The following RAB8B variants were observed in gnomAD, a reference collection of about 807,000 sequenced individuals.
RAB8B encodes the protein RAB8B, member RAS oncogene family.
A neutral mutation model predicts 32.0 loss-of-function variants in RAB8B; 11 were observed. That is an observed-to-expected ratio of 0.34 (90% CI 0.22 to 0.57). The LOEUF is 0.57. Among genes scored for constraint, RAB8B ranks in the 20% least tolerant of loss-of-function variants. The probability of loss-of-function intolerance (pLI) is 0.86; values close to 1 mark genes in which losing one functional copy is unlikely to be tolerated. For synonymous variants in RAB8B, 103 were observed against 89.6 expected (o/e 1.15, Z -0.85); for missense variants, 190 against 258.5 (o/e 0.73, Z 1.82).
chr15:63,202,715 T>C (rs1040422660), intron 1 of RAB8B, among the ~76,000 whole-genome samples: 16 of 152,242 alleles, frequency 1.1e-4, no homozygotes, highest in African/African-American at 3.9e-4. Flanking sequence ...TTAAACTTCA[T>C]GTCAGCCTGT....
chr15:63,205,249 G>A (rs1444211981), intron 1 of RAB8B, among the ~76,000 whole-genome samples: 2 of 152,192 alleles, frequency 1.3e-5, no homozygotes, highest in East Asian at 1.9e-4. Context: ...GCAGTGAGCC[G>A]AGATTGCGCC....
intron 1 of RAB8B, among the ~76,000 whole-genome samples, chr15:63,238,591 G>T (rs145297905): frequency 2.1e-3 from 324 of 152,198 alleles, no homozygotes; most frequent in Non-Finnish European, 3.6e-3. Flanking sequence ...TATACAGTTT[G>T]TCCTTTCATA....
chr15:63,229,260 C>G (rs1371562070), intron 1 of RAB8B, among the ~76,000 whole-genome samples: 1 of 152,176 alleles, frequency 6.6e-6, no homozygotes, highest in East Asian at 1.9e-4. Context: ...GAAGACATAT[C>G]TTTTGGTTGC....
chr15:63,209,333 G>C (rs1316258558), intron 1 of RAB8B, among the ~76,000 whole-genome samples: 2 of 150,904 alleles, frequency 1.3e-5, no homozygotes, highest in Admixed American at 1.3e-4. Context: ...GCTCACACTT[G>C]TAATCCCAGC....
At chr15:63,218,301 G>A (rs73438899) in intron 1 of RAB8B, among the ~76,000 whole-genome samples, 83 of 152,292 alleles carry the variant, frequency 5.5e-4, no homozygotes, top group African/African-American at 1.9e-3. Context: ...TGAGAATAGT[G>A]ATAAGGAATA....
chr15:63,259,728 G>T lies in RAB8B; in HGVS notation c.480+36G>T, dbSNP rs907283326. 6 of 1,565,858 alleles carry T rather than the reference G, an allele frequency of 3.8e-6. No homozygotes were observed. The highest frequency in any genetic ancestry group is 4.4e-6 in the Non-Finnish European group (5 of 1,136,622). On this transcript the variant is annotated intron_variant, in intron 6 of 7. Transcript: ENST00000321437. The surrounding 1 kb of genome is among the most constrained non-coding windows in gnomAD (Gnocchi z 4.4). Reference sequence around the variant, plus strand: ...AACGTTTGGTGACTGTTACGGAGCAGCACCAGTGCTTAGGGGCCTGTGTTC... The same window carrying T: ...AACGTTTGGTGACTGTTACGGAGCATCACCAGTGCTTAGGGGCCTGTGTTC...
At chr15:63,197,370 C>CTTTTTTTTTTTTTTTT (rs58765418) in intron 1 of RAB8B, among the ~76,000 whole-genome samples, 13 of 61,446 alleles carry the variant, frequency 2.1e-4, no homozygotes, top group South Asian at 7.4e-4. Context: ...TCTTTCTTTT[C>CTTTTTTTTTTTTTTTT]TTTTTTTTTT....
intron 3 of RAB8B, among the ~76,000 whole-genome samples, chr15:63,251,002 T>C (rs555407541): frequency 4.9e-4 from 75 of 151,968 alleles, no homozygotes; most frequent in African/African-American, 1.6e-3. Context: ...CTGCCCTTCC[T>C]CCTCCACCAC....
intron 3 of RAB8B, among the ~76,000 whole-genome samples, chr15:63,254,329 A>G (rs371420915): frequency 5.9e-5 from 9 of 152,220 alleles, no homozygotes; most frequent in East Asian, 1.9e-4. Context: ...TGAGCTCCCC[A>G]TGCATCTTCA....
At chr15:63,255,176 C>T (rs548595383) in intron 3 of RAB8B, among the ~76,000 whole-genome samples, 11 of 152,232 alleles carry the variant, frequency 7.2e-5, no homozygotes, top group Non-Finnish European at 1.5e-4. Flanking sequence ...TCAATGTTAT[C>T]GCTGTTTTGA....
intron 1 of RAB8B, among the ~76,000 whole-genome samples, chr15:63,213,304 G>A (rs1486408849): frequency 6.6e-6 from 1 of 151,790 alleles, no homozygotes; most frequent in Admixed American, 6.5e-5. Flanking sequence ...ATGTTTGGAG[G>A]GGGACGTGGG....
At chr15:63,223,666 A>G (rs2037864591) in intron 1 of RAB8B, among the ~76,000 whole-genome samples, 1 of 152,208 alleles carries the variant, frequency 6.6e-6, no homozygotes, top group African/African-American at 2.4e-5. Flanking sequence ...GTTAAGTGAC[A>G]CATGACTATA....
chr15:63,251,399 G>T (rs1347136964), intron 3 of RAB8B: 2 of 443,242 alleles, frequency 4.5e-6, no homozygotes, highest in Non-Finnish European at 9.1e-6. Flanking sequence ...GCAGTTTTTT[G>T]CATGCTAGGA....
Position 63,263,751 on chromosome 15 carries a change from C to A in RAB8B, c.*132C>A, listed in dbSNP as rs2038220770. ...GCACCACTGAACTTAGACCTCTCAA[C>A]ACAGTATGCCAAGTGGATTCCAGCC... On this transcript the variant is annotated 3_prime_UTR_variant, in exon 8 of 8. Coordinates refer to ENST00000321437, the MANE Select transcript of RAB8B (RefSeq NM_016530.3). The A allele has an allele frequency of 3.2e-6, 2 of 624,440 alleles. No individual in the cohort carries two copies. 38.7% of individuals were successfully genotyped at this position (624,440 alleles called of 1,614,324 possible). A position where few individuals can be genotyped will look rare whatever the true frequency, so the allele number is the denominator to read the frequency against.
chr15:63,231,183 A>C (rs1199977110), intron 1 of RAB8B, among the ~76,000 whole-genome samples: 1 of 152,210 alleles, frequency 6.6e-6, no homozygotes, highest in Non-Finnish European at 1.5e-5. Context: ...CATTCTTTTT[A>C]ATTTTTTCTT....
intron 3 of RAB8B, chr15:63,251,441 T>G: frequency 2.6e-6 from 1 of 388,550 alleles, no homozygotes; most frequent in South Asian, 1.9e-5. Flanking sequence ...CATGCTCATT[T>G]TCACTGGAGG....
chr15:63,233,578 T>C (rs944303856), intron 1 of RAB8B, among the ~76,000 whole-genome samples: 10 of 152,216 alleles, frequency 6.6e-5, no homozygotes, highest in African/African-American at 2.4e-4. Context: ...TAAGCAAAAT[T>C]TGATTGTCAA....
At chr15:63,226,022 G>A (rs547228605) in intron 1 of RAB8B, among the ~76,000 whole-genome samples, 121 of 151,994 alleles carry the variant, frequency 8.0e-4, no homozygotes, top group Non-Finnish European at 2.1e-4. Flanking sequence ...TGTATTTTCT[G>A]TAGAGACGGG....
In RAB8B at chr15:63,263,790, A is replaced by G; in HGVS notation, c.*171A>G. 2 of 516,644 alleles carry G rather than the reference A, an allele frequency of 3.9e-6. No homozygotes were observed. The highest frequency in any genetic ancestry group is 3.0e-5 in the East Asian group (1 of 33,416). 32.0% of individuals were successfully genotyped at this position (516,644 alleles called of 1,614,324 possible). ...TGGATTCCAGCCTCATGGCCTAGCA[A>G]AAGAACAGACTCCCTTTTTCAAACA... On this transcript the variant is annotated 3_prime_UTR_variant, in exon 8 of 8. Coordinates refer to ENST00000321437, the MANE Select transcript of RAB8B (RefSeq NM_016530.3).
Sources: allele counts gnomAD v4.1 joint callset (sites outside exome capture counted in the v4.1 genomes callset), GRCh38; gene constraint gnomAD v4.1.1; non-coding constraint Gnocchi (gnomAD v3.1); transcripts MANE v1.5; gene names NCBI Gene and HGNC (gene_info 2026-07-23, HGNC 2026-07-21).